The following SRPK2 variants were observed in gnomAD, a reference collection of about 807,000 sequenced individuals.
SRPK2 encodes SFRS protein kinase 2.
In SRPK2, 21 loss-of-function variants were observed where a neutral mutation model predicts 90.8. The observed-to-expected ratio is 0.23, with a 90% CI of 0.16 to 0.33. The LOEUF (loss-of-function observed/expected upper bound fraction) is 0.33, where lower values mean the gene tolerates loss of function less well. Ranked by LOEUF, SRPK2 falls within the 10% of genes least tolerant of loss-of-function variation. The pLI, the probability that SRPK2 is intolerant of heterozygous loss-of-function variation, is 1.00. For synonymous variants in SRPK2, 288 were observed against 311.1 expected (o/e 0.93, Z 0.78); for missense variants, 620 against 869.0 (o/e 0.71, Z 3.60).
intron 7 of SRPK2, among the ~76,000 whole-genome samples, chr7:105,152,532 A>G (rs1010528086): frequency 1.3e-5 from 2 of 152,110 alleles, no homozygotes; most frequent in African/African-American, 4.8e-5. Context: ...TGCACCCCAG[A>G]ATCAACCAAC....
At chr7:105,279,483 C>T (rs1367069350) in intron 2 of SRPK2, among the ~76,000 whole-genome samples, 1 of 152,086 alleles carries the variant, frequency 6.6e-6, no homozygotes, top group African/African-American at 2.4e-5. Flanking sequence ...AAGTGGGATC[C>T]CTATTCCCCC....
intron 15 of SRPK2, among the ~76,000 whole-genome samples, chr7:105,119,788 C>T (rs1800065697): frequency 6.6e-6 from 1 of 152,170 alleles, no homozygotes; most frequent in African/African-American, 2.4e-5. Context: ...CCTGGTTGCA[C>T]CACCCCAAAT....
chr7:105,145,336 T>C, intron 8 of SRPK2, 28 bp from the exon 9 acceptor site: 1 of 1,561,406 alleles, frequency 6.4e-7, no homozygotes, highest in Non-Finnish European at 8.7e-7. Context: ...AAAATCTGTA[T>C]TTAGCAGAAA....
chr7:105,292,497 C>CAAAAAAAAAAA (rs397889533), intron 2 of SRPK2, among the ~76,000 whole-genome samples: 2 of 74,804 alleles, frequency 2.7e-5, no homozygotes, highest in African/African-American at 5.2e-5. Flanking sequence ...GTAAGACTCT[C>CAAAAAAAAAAA]AAAAAAAAAA....
intron 2 of SRPK2, among the ~76,000 whole-genome samples, chr7:105,226,088 T>G (rs1798671352): frequency 6.6e-6 from 1 of 152,240 alleles, no homozygotes; most frequent in African/African-American, 2.4e-5. Flanking sequence ...GAAGTTCTGT[T>G]AAGTCTAGGA....
intron 9 of SRPK2, chr7:105,144,010 G>C (rs1804174501): frequency 6.6e-6 from 1 of 152,260 alleles, no homozygotes; most frequent in South Asian, 2.1e-4. Flanking sequence ...AATTATTAAA[G>C]CTCCCTCTTG....
chr7:105,348,805 T>C (rs1297360052), intron 2 of SRPK2, among the ~76,000 whole-genome samples: 1 of 151,966 alleles, frequency 6.6e-6, no homozygotes, highest in Non-Finnish European at 1.5e-5. Flanking sequence ...TAAAGAAAGT[T>C]ATCATTCATG....
chr7:105,215,171 A>G (rs1797309524), intron 2 of SRPK2, among the ~76,000 whole-genome samples: 1 of 152,226 alleles, frequency 6.6e-6, no homozygotes, highest in African/African-American at 2.4e-5. Flanking sequence ...ACCTCCCACC[A>G]TACACAGAAA....
intron 2 of SRPK2, among the ~76,000 whole-genome samples, chr7:105,323,831 C>T (rs180817374): frequency 5.3e-5 from 8 of 152,276 alleles, no homozygotes; most frequent in Non-Finnish European, 1.2e-4. Flanking sequence ...TGGACCCAAG[C>T]TAACTGGGTG....
At chr7:105,238,060 C>G (rs1167820471) in intron 2 of SRPK2, among the ~76,000 whole-genome samples, 1 of 152,152 alleles carries the variant, frequency 6.6e-6, no homozygotes, top group Non-Finnish European at 1.5e-5. Flanking sequence ...CATACTCCCC[C>G]AACCAGACAA....
At chr7:105,200,514 G>T (rs2129609275) in intron 3 of SRPK2, among the ~76,000 whole-genome samples, 1 of 152,044 alleles carries the variant, frequency 6.6e-6, no homozygotes, top group South Asian at 2.1e-4. Context: ...GGTGGCGGCG[G>T]GGGTAGGGAT....
intron 2 of SRPK2, among the ~76,000 whole-genome samples, chr7:105,381,496 CA>C (rs908681176): frequency 6.6e-5 from 10 of 151,932 alleles, no homozygotes; most frequent in African/African-American, 2.2e-4. Flanking sequence ...AAAACAAAAA[CA>C]AAAAAACTAA....
At chr7:105,170,825 G>GAGAAAGGAAGAAAGAAAGAA (rs1487058476) in intron 3 of SRPK2, among the ~76,000 whole-genome samples, 6 of 104,350 alleles carry the variant, frequency 5.7e-5, no homozygotes, top group African/African-American at 2.6e-4. Flanking sequence ...GGGAGAGAAA[G>GAGAAAGGAAGAAAGAAAGAA]AGAAAGAAAG....
downstream of SRPK2, among the ~76,000 whole-genome samples, chr7:105,115,810 C>CTGAT (rs1799584625): frequency 6.6e-6 from 1 of 152,110 alleles, no homozygotes; most frequent in African/African-American, 2.4e-5. Context: ...TACTATCACC[C>CTGAT]TGATAAAAAT....
intron 3 of SRPK2, among the ~76,000 whole-genome samples, chr7:105,173,562 A>C (rs1791428733): frequency 6.6e-6 from 1 of 152,188 alleles, no homozygotes; most frequent in African/African-American, 2.4e-5. Context: ...TGAACACTCC[A>C]GTAACTCCAC....
intron 6 of SRPK2, 78 bp from the exon 7 acceptor site, chr7:105,160,691 C>G (rs1337386404): frequency 1.3e-6 from 1 of 777,506 alleles, no homozygotes; most frequent in Non-Finnish European, 2.3e-6. Context: ...CATTGTGTCA[C>G]TTGCAAAGCA....
chr7:105,198,690 T>C (rs1795203507), intron 3 of SRPK2, among the ~76,000 whole-genome samples: 1 of 151,968 alleles, frequency 6.6e-6, no homozygotes, highest in Non-Finnish European at 1.5e-5. Context: ...AGAAGAAGAG[T>C]GAAACTCATA....
In SRPK2 at chr7:105,169,749, T is replaced by TG. The variant is rs536117460; in HGVS notation, c.230-485dup. ...TTCTATGAATTCCTATTAGACTTCT[T>TG]GTTTTAATTTAATTTAAAGAGGCAA... On this transcript the variant is annotated intron_variant, in intron 3 of 15. Transcript: ENST00000393651. Among the ~76,000 whole-genome samples, 56 of 152,336 alleles carry TG rather than the reference T, an allele frequency of 3.7e-4. 1 individual carries two copies. The highest frequency in any genetic ancestry group is 1.2e-3 in the Admixed American group (19 of 15,296).
At chr7:105,257,240 C>A (rs552049956) in intron 2 of SRPK2, among the ~76,000 whole-genome samples, 2 of 152,296 alleles carry the variant, frequency 1.3e-5, no homozygotes, top group East Asian at 3.9e-4. Context: ...GTCTTAATTT[C>A]TTCCAGCCCC....
Sources: allele counts gnomAD v4.1 joint callset (sites outside exome capture counted in the v4.1 genomes callset), GRCh38; gene constraint gnomAD v4.1.1; transcripts MANE v1.5; gene names NCBI Gene and HGNC (gene_info 2026-07-23, HGNC 2026-07-21).